The following TTC12 variants were observed in gnomAD, a reference collection of about 807,000 sequenced individuals.
TTC12 encodes tetratricopeptide repeat protein 12.
A neutral mutation model predicts 90.1 loss-of-function variants in TTC12; 70 were observed. The observed-to-expected ratio is 0.78, with a 90% confidence interval of 0.64 to 0.95. The LOEUF (loss-of-function observed/expected upper bound fraction) is 0.95, where lower values mean the gene tolerates loss of function less well. Ranked by LOEUF, TTC12 falls within the 40% of genes least tolerant of loss-of-function variation. The pLI, the probability that TTC12 is intolerant of heterozygous loss-of-function variation, is 0.00. For synonymous variants in TTC12, 296 were observed against 311.5 expected, an observed-to-expected ratio of 0.95 and a Z score of 0.53; for missense variants, 819 against 846.1, an observed-to-expected ratio of 0.97 and a Z score of 0.40.
intron 8 of TTC12, 68 bp from the exon 9 acceptor site, chr11:113,338,706 C>T: frequency 1.6e-6 from 2 of 1,259,246 alleles, no homozygotes; most frequent in South Asian, 2.5e-5. Flanking sequence ...AGCCCAATGA[C>T]ACCCAGTGTC....
chr11:113,364,730 A>C, intron 20 of TTC12, 105 bp from the exon 21 acceptor site: 1 of 835,194 alleles, frequency 1.2e-6, no homozygotes, highest in Non-Finnish European at 2.0e-6. Flanking sequence ...GTTACTGGGG[A>C]AGCTCGGTGT....
intron 9 of TTC12, 91 bp downstream of exon 9, chr11:113,338,925 G>A: frequency 1.7e-6 from 2 of 1,164,780 alleles, no homozygotes; most frequent in South Asian, 2.6e-5. Flanking sequence ...ACTGCCCTTG[G>A]CCACTAGGCA....
At chr11:113,315,762 G>A (rs1555135135) in intron 1 of TTC12, among the ~76,000 whole-genome samples, 1 of 152,188 alleles carries the variant, frequency 6.6e-6, no homozygotes, top group Non-Finnish European at 1.5e-5. Context: ...TCACTCTTCA[G>A]AAACAAGCCA....
At chr11:113,316,134 C>T in intron 1 of TTC12, 109 bp from the exon 2 acceptor site, 1 of 461,808 alleles carries the variant, frequency 2.2e-6, no homozygotes, top group Non-Finnish European at 3.7e-6. Context: ...ATAAACAAAA[C>T]TGTCATAAAA....
At chr11:113,316,208 T>C in intron 1 of TTC12, 35 bp from the exon 2 acceptor site, 1 of 1,071,012 alleles carries the variant, frequency 9.3e-7, no homozygotes, top group Non-Finnish European at 1.3e-6. Context: ...AGTGCTTTAT[T>C]ATTATTAATT....
At position 113,340,841 on chromosome 11, in the gene TTC12, C is replaced by A. The variant is rs377466756; in HGVS notation, c.896+108C>A. The A allele has an allele frequency of 2.8e-5, 26 of 934,640 alleles. No homozygotes were observed. The East Asian group carries it at 5.2e-4, about 19-fold the overall frequency. The allele number at this position is 934,640 out of a possible 1,614,324, so 57.9% of individuals were successfully genotyped here. ...ACAGTCACGTTTCTGAACATTACCC[C>A]CCTTCAGTCAGTAGTGGGGGGCTCT... On this transcript the variant is annotated intron_variant, in intron 11 of 21. Transcript: ENST00000529221.
chr11:113,330,981 A>G (rs1283393832), intron 7 of TTC12, among the ~76,000 whole-genome samples: 3 of 152,196 alleles, frequency 2.0e-5, no homozygotes, highest in Middle Eastern at 3.2e-3. Flanking sequence ...CCAAAACAAG[A>G]GGACACTTCC....
At position 113,335,032 on chromosome 11, in the gene TTC12, A is replaced by T; in HGVS notation, c.571A>T (p.Ser191Cys). ...GKANLALKNY[S>C]VSRECYKKIL... Reference sequence around the variant, plus strand: ...AGCCAACCTGGCCCTGAAGAACTACAGTGTGGTAAGTTCTTAGAGGAATGT... The same window carrying T: ...AGCCAACCTGGCCCTGAAGAACTACTGTGTGGTAAGTTCTTAGAGGAATGT... The change falls in exon 8 of 22, where the codon AGT (serine) becomes TGT (cysteine). Residue 191 changes from serine (S) to cysteine (C), a missense_variant. By Grantham distance (112) the Ser-to-Cys change is moderately radical. Coordinates refer to ENST00000529221, the MANE Select transcript of TTC12 (RefSeq NM_017868.4). The T allele has an allele frequency of 6.2e-7, 1 of 1,610,680 alleles. No homozygotes were observed. The highest frequency in any genetic ancestry group is 8.5e-7 in the Non-Finnish European group (1 of 1,176,872).
At chr11:113,363,444 C>T (rs1390859136) in intron 19 of TTC12, among the ~76,000 whole-genome samples, 1 of 152,236 alleles carries the variant, frequency 6.6e-6, no homozygotes, top group Non-Finnish European at 1.5e-5. Context: ...GTCAGCCTGA[C>T]AGCCTTAGCA....
In TTC12 at chr11:113,340,039, G is replaced by A. The variant is rs376419945; in HGVS notation, c.826+565G>A. On this transcript the variant is annotated intron_variant, in intron 10 of 21. Transcript: ENST00000529221. ...AAACTGTAAGGTTCACCCAGTTACA[G>A]TTAATGGCTGCATAGGATGTGAAAA... is the stretch of plus-strand genomic sequence containing the variant. 8.7e-4 allele frequency among the ~76,000 whole-genome samples: 133 copies of A among 152,332 alleles called. 3 individuals carry two copies. The South Asian group carries it at 0.027, about 31-fold the overall frequency.
At position 113,359,994 on chromosome 11, in the gene TTC12, G is replaced by A. The variant is rs1555154167; in HGVS notation, c.1600G>A (p.Gly534Arg). 1 of 1,597,052 alleles carries A rather than the reference G, an allele frequency of 6.3e-7. No homozygotes were observed. The highest frequency in any genetic ancestry group is 1.7e-5 in the Admixed American group (1 of 57,440). The part of the protein sequence containing the change: ...RCLSLLNSQD[G>R]GILTRAAGVL... ...CCTGTCTTTACTAAACAGCCAGGAT[G>A]GAGGAATCCTGACAGTAAGTTTCTC... is the stretch of plus-strand genomic sequence containing the variant. Residue 534 changes from glycine (G) to arginine (R), a missense_variant, in exon 18 of 22, where the codon GGA (glycine) becomes AGA (arginine). Physicochemically the swap from Gly to Arg is moderately radical, Grantham distance 125. Transcript: ENST00000529221.
intron 7 of TTC12, among the ~76,000 whole-genome samples, chr11:113,333,664 T>A (rs1286326416): frequency 6.6e-6 from 1 of 152,202 alleles, no homozygotes; most frequent in African/African-American, 2.4e-5. Context: ...ATCATCCATA[T>A]GAACCATAAA....
chr11:113,341,722 C>T, intron 11 of TTC12, 115 bp from the exon 12 acceptor site: 1 of 832,184 alleles, frequency 1.2e-6, no homozygotes, highest in Non-Finnish European at 2.1e-6. Flanking sequence ...GATTATAAAA[C>T]TATACTTTCT....
intron 13 of TTC12, among the ~76,000 whole-genome samples, chr11:113,349,012 G>A (rs950849998): frequency 5.9e-5 from 9 of 152,226 alleles, no homozygotes; most frequent in Middle Eastern, 3.2e-3. Context: ...CTGTGGGCCC[G>A]ACACTGGCCT....
At chr11:113,356,936 G>T (rs1287847261) in intron 16 of TTC12, among the ~76,000 whole-genome samples, 2 of 152,074 alleles carry the variant, frequency 1.3e-5, no homozygotes, top group African/African-American at 2.4e-5. Flanking sequence ...TCTTACTGGG[G>T]TTCTCTGCAT....
rs534482088 is a variant in TTC12 at position 113,316,249 on chromosome 11, C to T, written c.-9C>T. 5.4e-5 allele frequency: 78 copies of T among 1,439,664 alleles called. 1 individual carries two copies. The South Asian group carries it at 8.6e-4, about 16-fold the overall frequency. The allele number at this position is 1,439,664 out of a possible 1,614,324, so 89.2% of individuals were successfully genotyped here. On this transcript the variant is annotated 5_prime_UTR_variant, in exon 2 of 22. Coordinates refer to ENST00000529221, the MANE Select transcript of TTC12 (RefSeq NM_017868.4). ...ATTATGCTGCATCCCTTAGGGATTC[C>T]GGTTCACAATGGATGCTGATAAAGA...
chr11:113,347,350 C>T (rs763162858), intron 13 of TTC12, among the ~76,000 whole-genome samples: 8 of 152,156 alleles, frequency 5.3e-5, no homozygotes, highest in Non-Finnish European at 1.0e-4. Flanking sequence ...CTGCGTACCC[C>T]CATACAGCCT....
intron 15 of TTC12, 89 bp downstream of exon 15, chr11:113,351,388 AC>A: frequency 9.4e-7 from 1 of 1,059,034 alleles, no homozygotes; most frequent in Admixed American, 1.8e-5. Context: ...ATCCAGAACA[AC>A]TATTGTCTCT....
downstream of TTC12, among the ~76,000 whole-genome samples, chr11:113,370,973 CA>C (rs373675280): frequency 6.6e-6 from 1 of 152,190 alleles, no homozygotes; most frequent in African/African-American, 2.4e-5. Flanking sequence ...CACACACCCC[CA>C]CACACACGGA....
Sources: gnomAD v4.1 joint callset for allele counts (sites outside exome capture counted in the v4.1 genomes callset) on GRCh38, gnomAD v4.1.1 for gene constraint, MANE v1.5 for transcripts, NCBI Gene and HGNC (gene_info 2026-07-23, HGNC 2026-07-21) for gene names.